The following RAE1 variants were observed in gnomAD, a reference collection of about 807,000 sequenced individuals.
The protein encoded by RAE1 is mRNA export factor RAE1.
A neutral mutation model predicts 52.7 loss-of-function variants in RAE1; 13 were observed. The ratio of observed to expected loss-of-function variants is 0.25; its 90% CI spans 0.16 to 0.39. RAE1 has a LOEUF of 0.39. RAE1 is among the 10% of genes least tolerant of loss of function. The pLI, the probability that RAE1 is intolerant of heterozygous loss-of-function variation, is 1.00. For synonymous variants in RAE1, 164 were observed against 153.1 expected (o/e 1.07, Z -0.52); for missense variants, 262 against 459.8 (o/e 0.57, Z 3.93).
chr20:57,371,280 G>C (rs746235579), intron 8 of RAE1: 1 of 152,212 alleles, frequency 6.6e-6, no homozygotes, highest in Non-Finnish European at 1.5e-5. Flanking sequence ...TGAAAAGGCA[G>C]CCTGTGGAAT....
chr20:57,367,982 C>T (rs953204972), intron 7 of RAE1, among the ~76,000 whole-genome samples: 27 of 152,156 alleles, frequency 1.8e-4, no homozygotes, highest in African/African-American at 5.3e-4. Context: ...CTCTGCCTTC[C>T]GGGTTCAAGC....
intron 8 of RAE1, among the ~76,000 whole-genome samples, chr20:57,370,345 C>T (rs1370903144): frequency 6.6e-6 from 1 of 152,176 alleles, no homozygotes; most frequent in Non-Finnish European, 1.5e-5. Flanking sequence ...GAAACATTTC[C>T]CCTGGCTGCT....
chr20:57,374,273 C>A (rs577762929), intron 10 of RAE1, among the ~76,000 whole-genome samples: 164 of 152,322 alleles, frequency 1.1e-3, no homozygotes, highest in African/African-American at 3.5e-3. Flanking sequence ...TCTTCTCCCT[C>A]CCTCAGGAGC....
chr20:57,362,718 A>C (rs979411859), intron 4 of RAE1, among the ~76,000 whole-genome samples: 2 of 152,206 alleles, frequency 1.3e-5, no homozygotes, highest in African/African-American at 4.8e-5. Context: ...AAAACAATAC[A>C]GAAAGCAGCT....
At chr20:57,375,632 C>T (rs892974708) in intron 11 of RAE1, among the ~76,000 whole-genome samples, 17 of 152,184 alleles carry the variant, frequency 1.1e-4, no homozygotes, top group African/African-American at 4.1e-4. Context: ...GAACCATTTC[C>T]ATGTATATTA....
intron 4 of RAE1, among the ~76,000 whole-genome samples, chr20:57,364,582 C>CCAAG (rs138092708): frequency 3.3e-4 from 51 of 152,282 alleles, no homozygotes; most frequent in Admixed American, 8.5e-4. Flanking sequence ...ATAGACTAGG[C>CCAAG]CAAGGTTCAG....
In RAE1 at chr20:57,378,281, A is replaced by T. The variant is rs1568797809; in HGVS notation, c.*182A>T. ...GTCCGCGGCGACTTGCCGTCTCTCC[A>T]TTCCACTGCCTGTTGCAGAGTTTTT... On this transcript the variant is annotated 3_prime_UTR_variant, in exon 12 of 12. Transcript: ENST00000395841. 1.8e-6 allele frequency: 1 copy of T among 556,104 alleles called. No individual in the cohort carries two copies. Among genetic ancestry groups the T allele is most frequent in the East Asian group, 2.8e-5 (1 of 35,330 alleles). 34.4% of individuals were successfully genotyped at this position (556,104 alleles called of 1,614,324 possible).
In RAE1 at chr20:57,377,966, A is replaced by G. The variant is rs1406322209; in HGVS notation, c.1021-47A>G. The G allele has an allele frequency of 4.9e-6, 7 of 1,440,598 alleles. No individual in the cohort carries two copies. In the South Asian group the frequency reaches 8.6e-5, roughly 18 times the overall value. 89.2% of individuals were successfully genotyped at this position (1,440,598 alleles called of 1,614,324 possible). A position where few individuals can be genotyped will look rare whatever the true frequency, so the allele number is the denominator to read the frequency against. On this transcript the variant is annotated intron_variant, in intron 11 of 11. Coordinates refer to ENST00000395841, the MANE Select transcript of RAE1 (RefSeq NM_003610.4). ...CTAGAAAAAGCACCTACAAATGCTA[A>G]CTTTCTTTTGAATAATAAGATCATT...
intron 11 of RAE1, among the ~76,000 whole-genome samples, chr20:57,376,128 C>T (rs115983583): frequency 2.8e-3 from 434 of 152,356 alleles, no homozygotes; most frequent in African/African-American, 9.9e-3. Context: ...AGGCCCCGAA[C>T]TTAGACACAG....
At chr20:57,375,485 C>A (rs912685160) in intron 11 of RAE1, among the ~76,000 whole-genome samples, 2 of 152,116 alleles carry the variant, frequency 1.3e-5, no homozygotes, top group East Asian at 3.9e-4. Context: ...CCTGCAGTGT[C>A]TTTCCCGCTC....
intron 8 of RAE1, 69 bp from the exon 9 acceptor site, chr20:57,373,405 CT>C (rs1399062548): frequency 6.8e-7 from 1 of 1,468,618 alleles, no homozygotes; most frequent in African/African-American, 1.4e-5. Flanking sequence ...GTAAAAATGA[CT>C]TACCTTCACG....
In RAE1 at chr20:57,368,934, T is replaced by G. The variant is rs1014189228; in HGVS notation, c.642+122T>G. On this transcript the variant is annotated intron_variant, in intron 8 of 11. Coordinates refer to ENST00000395841, the MANE Select transcript of RAE1 (RefSeq NM_003610.4). The stretch of plus-strand genomic sequence containing the variant: ...TAAGTATGTTCAAAGAGGGGTGAAT[T>G]GAAGGATATAAACACAAATACTTAG... The G allele has an allele frequency of 1.4e-5, 11 of 759,754 alleles. No individual in the cohort carries two copies. The Admixed American group carries it at 2.5e-4, about 18-fold the overall frequency. 47.1% of individuals were successfully genotyped at this position (759,754 alleles called of 1,614,324 possible). A position where few individuals can be genotyped will look rare whatever the true frequency, so the allele number is the denominator to read the frequency against.
Position 57,356,194 on chromosome 20 carries a change from T to C in RAE1, c.196-252T>C, listed in dbSNP as rs79036111. Among the ~76,000 whole-genome samples the C allele has an allele frequency of 5.6e-4, 85 of 152,348 alleles. No homozygotes were observed. The East Asian group carries it at 0.015, about 27-fold the overall frequency. ...GTGATATTCTACTTTAAAAGACATA[T>C]CTCATAGATGCATTGAGAAAATTAT... On this transcript the variant is annotated intron_variant, in intron 3 of 11. Transcript: ENST00000395841.
At chr20:57,375,573 G>C (rs1223120312) in intron 11 of RAE1, among the ~76,000 whole-genome samples, 2 of 150,100 alleles carry the variant, frequency 1.3e-5, no homozygotes, top group Admixed American at 6.6e-5. Flanking sequence ...ACTGTCTTCT[G>C]TCCCCGTCCA....
At chr20:57,375,765 G>A (rs550696592) in intron 11 of RAE1, among the ~76,000 whole-genome samples, 39 of 152,238 alleles carry the variant, frequency 2.6e-4, no homozygotes, top group African/African-American at 8.7e-4. Flanking sequence ...CTGTGGCCAC[G>A]TCCTCCTCAT....
chr20:57,371,822 C>T (rs1222386409), intron 8 of RAE1: 5 of 152,214 alleles, frequency 3.3e-5, no homozygotes, highest in Non-Finnish European at 7.3e-5. Flanking sequence ...TGTATACCTG[C>T]AGTAGGATGC....
intron 11 of RAE1, among the ~76,000 whole-genome samples, chr20:57,377,764 ACTCACAGGTT>A (rs533260891): frequency 0.04 from 6,082 of 152,230 alleles, 183 homozygotes; most frequent in African/African-American, 0.09. Flanking sequence ...TTGAAAAGGA[ACTCACAGGTT>A]CCTACTCACA....
intron 10 of RAE1, 49 bp downstream of exon 10, chr20:57,373,787 T>G (rs369004451): frequency 1.2e-4 from 180 of 1,557,648 alleles, no homozygotes; most frequent in Non-Finnish European, 1.4e-4. Flanking sequence ...GAAACCAGAC[T>G]TGGAGGTGGC....
At chr20:57,373,408 A>C in intron 8 of RAE1, 67 bp from the exon 9 acceptor site, 2 of 1,480,960 alleles carry the variant, frequency 1.4e-6, no homozygotes, top group Non-Finnish European at 1.9e-6. Flanking sequence ...AAAATGACTT[A>C]CCTTCACGTT....
Sources: gnomAD v4.1 joint callset for allele counts (sites outside exome capture counted in the v4.1 genomes callset) on GRCh38, gnomAD v4.1.1 for gene constraint, MANE v1.5 for transcripts, NCBI Gene and HGNC (gene_info 2026-07-23, HGNC 2026-07-21) for gene names.